TUBB8: variants seen among roughly 807,000 people sequenced by gnomAD.
The protein encoded by TUBB8 is tubulin beta-8 chain.
Under a neutral mutation model 33.7 loss-of-function variants are expected in TUBB8, and 25 were observed. The observed-to-expected ratio is 0.74, with a 90% CI of 0.54 to 1.04. The LOEUF is 1.04. TUBB8 is among the 50% of genes least tolerant of loss of function. The probability of loss-of-function intolerance (pLI) is 0.00; values close to 1 mark genes in which losing one functional copy is unlikely to be tolerated. For synonymous variants in TUBB8, 245 were observed against 240.1 expected (o/e 1.02, Z -0.19); for missense variants, 279 against 608.0 (o/e 0.46, Z 5.69).
chr10:48,985 A>G (rs1306829745), intron 1 of TUBB8, 73 bp from the exon 2 acceptor site: 15 of 592,196 alleles, frequency 2.5e-5, no homozygotes, highest in Non-Finnish European at 3.6e-5. Flanking sequence ...TCCCACCCCC[A>G]CCCTCATCCG....
chr10:68,010 G>A (rs369209739), intron 1 of TUBB8, among the ~76,000 whole-genome samples: 17,703 of 116,656 alleles, frequency 0.15, no homozygotes, highest in African/African-American at 0.29. Flanking sequence ...TAAAAATTCT[G>A]AAATTTTAGC....
intron 3 of TUBB8, 135 bp downstream of exon 3, chr10:48,480 G>C: frequency 1.2e-6 from 1 of 848,132 alleles, no homozygotes; most frequent in African/African-American, 1.7e-5. Context: ...GGCAGATTGA[G>C]CGACTCGACT....
chr10:61,508 C>A (rs151283848), intron 1 of TUBB8, among the ~76,000 whole-genome samples: 3,800 of 152,260 alleles, frequency 0.025, 59 homozygotes, highest in Middle Eastern at 0.071. Flanking sequence ...TGTTTTTAGA[C>A]TTGCTACTTA....
At chr10:67,852 A>G (rs782454804) in intron 1 of TUBB8, among the ~76,000 whole-genome samples, 44 of 152,248 alleles carry the variant, frequency 2.9e-4, no homozygotes, top group Non-Finnish European at 5.1e-4. Flanking sequence ...GCTCTTCAGC[A>G]TGAATCTCCT....
At chr10:61,899 T>G (rs1329761830) in intron 1 of TUBB8, among the ~76,000 whole-genome samples, 1 of 152,244 alleles carries the variant, frequency 6.6e-6, no homozygotes, top group Non-Finnish European at 1.5e-5. Flanking sequence ...TTGTCTGGTA[T>G]AAGTAAAGCT....
chr10:54,981 C>T (rs544107888), intron 1 of TUBB8, among the ~76,000 whole-genome samples: 1 of 152,214 alleles, frequency 6.6e-6, no homozygotes, highest in Non-Finnish European at 1.5e-5. Flanking sequence ...TGGTCTTGAA[C>T]TCCTGACCTC....
At chr10:73,165 G>T (rs568313372) in intron 1 of TUBB8, among the ~76,000 whole-genome samples, 2 of 152,204 alleles carry the variant, frequency 1.3e-5, no homozygotes, top group Non-Finnish European at 2.9e-5. Context: ...TGTTGTTGAC[G>T]AGTTCACTTC....
At chr10:73,546 G>A (rs1186486704) in intron 1 of TUBB8, among the ~76,000 whole-genome samples, 1 of 152,134 alleles carries the variant, frequency 6.6e-6, no homozygotes, top group Non-Finnish European at 1.5e-5. Context: ...GAGAGGCTGA[G>A]GCAGGAGAAT....
upstream of TUBB8, among the ~76,000 whole-genome samples, chr10:53,291 C>A (rs1196452410): frequency 6.6e-6 from 1 of 151,896 alleles, no homozygotes. Context: ...CCACACCCAG[C>A]TAATTTTTGT....
upstream of TUBB8, chr10:49,844 G>T (rs1340150069): frequency 9.1e-5 from 27 of 295,916 alleles, no homozygotes; most frequent in Non-Finnish European, 1.6e-4. Flanking sequence ...AGAGGACTGT[G>T]GTCTCCAGCA....
intron 3 of TUBB8, 74 bp from the exon 4 acceptor site, chr10:48,188 G>A: frequency 9.6e-7 from 1 of 1,037,298 alleles, no homozygotes. Flanking sequence ...AATGCAGAAA[G>A]AGCCAAGCGT....
At chr10:70,820 G>C (rs1172548568) in intron 1 of TUBB8, among the ~76,000 whole-genome samples, 2 of 152,122 alleles carry the variant, frequency 1.3e-5, no homozygotes, top group Non-Finnish European at 2.9e-5. Flanking sequence ...TCCAGCATGG[G>C]AGACAGAGCA....
At chr10:56,514 G>A (rs1386001565) in intron 1 of TUBB8, among the ~76,000 whole-genome samples, 3 of 152,202 alleles carry the variant, frequency 2.0e-5, no homozygotes, top group Non-Finnish European at 2.9e-5. Context: ...TGAAGCCTCT[G>A]ACAACTGACA....
Position 47,695 on chromosome 10 carries a change from T to G in TUBB8, c.697A>C (p.Met233Leu). ...GDLNHLVSATMSGVTTCLRFP... is the reference protein window; with the variant it reads ...GDLNHLVSATLSGVTTCLRFP... ...CGCAGGCACGTGGTGACCCCACTCATGGTAGCAGACACCAGGTGGTTCAGG... is the reference window on the plus strand; with the variant it reads ...CGCAGGCACGTGGTGACCCCACTCAGGGTAGCAGACACCAGGTGGTTCAGG... Residue 233 changes from methionine to leucine, a missense_variant, in exon 4 of 4, where the codon ATG (methionine) becomes CTG (leucine). This residue lies in a region of TUBB8 where 96 missense variants were observed against 233.7 expected (regional missense o/e 0.41). Transcript: ENST00000568584. 1 of 1,468,602 alleles carries G rather than the reference T, an allele frequency of 6.8e-7. No individual in the cohort carries two copies. The highest frequency in any genetic ancestry group is 9.3e-7 in the Non-Finnish European group (1 of 1,073,562). The allele number at this position is 1,468,602 out of a possible 1,614,324, so 91.0% of individuals were successfully genotyped here.
At chr10:57,743 G>C (rs200461016) in intron 1 of TUBB8, among the ~76,000 whole-genome samples, 2 of 151,968 alleles carry the variant, frequency 1.3e-5, no homozygotes, top group South Asian at 4.2e-4. Context: ...GTCTGTGATG[G>C]GGGGCTGCCT....
intron 1 of TUBB8, 31 bp downstream of exon 1, chr10:49,151 G>T (rs370158636): frequency 6.4e-7 from 1 of 1,554,864 alleles, no homozygotes. Context: ...CGGCAGGCCC[G>T]GGCTAGGCCC....
chr10:74,184 C>CGG (rs1190175849), upstream of TUBB8: 2 of 150,862 alleles, frequency 1.3e-5, no homozygotes, highest in Non-Finnish European at 3.0e-5. Context: ...CGCGCGCGCG[C>CGG]GGCCCTCCGG....
At chr10:48,555 T>A (rs1554738768) in intron 3 of TUBB8, 60 bp downstream of exon 3, 1 of 1,483,722 alleles carries the variant, frequency 6.7e-7, no homozygotes, top group Admixed American at 1.7e-5. Context: ...CTTAGCACAC[T>A]CCTGGATTTT....
rs575750081 is a variant in TUBB8 at position 63,026 on chromosome 10, G to A, written c.-846+10943C>T. On this transcript the variant is annotated intron_variant, in intron 1 of 3. Transcript: ENST00000564130. ...TTTCTTGTACTTGAATGTTGATATC[G>A]AATGTTGGGGAATTGTTTAATATTA... Among the ~76,000 whole-genome samples, 6 of 152,056 alleles carry A rather than the reference G, an allele frequency of 3.9e-5. No individual in the cohort carries two copies. In the South Asian group the frequency reaches 8.3e-4, roughly 21 times the overall value.
Sources: gnomAD v4.1 joint callset for allele counts (sites outside exome capture counted in the v4.1 genomes callset) on GRCh38, gnomAD v4.1.1 for gene constraint, gnomAD v4.1.1 regional missense constraint, MANE v1.5 for transcripts, NCBI Gene and HGNC (gene_info 2026-07-23, HGNC 2026-07-21) for gene names.